FHOD3: variants seen among roughly 807,000 people sequenced by gnomAD.
FHOD3 encodes the protein FH1/FH2 domain-containing protein 3.
In FHOD3, 90 loss-of-function variants were observed where a neutral mutation model predicts 173.0. The ratio of observed to expected loss-of-function variants is 0.52; its 90% CI spans 0.44 to 0.62. The LOEUF (loss-of-function observed/expected upper bound fraction) is 0.62. FHOD3 is among the 20% of genes least tolerant of loss of function. FHOD3 has a pLI of 0.00. For synonymous variants in FHOD3, 828 were observed against 823.0 expected (o/e 1.01, Z -0.10); for missense variants, 1,945 against 2,034.7 (o/e 0.96, Z 0.85).
At chr18:36,550,892 A>T (rs570995082) in intron 5 of FHOD3, among the ~76,000 whole-genome samples, 1 of 152,214 alleles carries the variant, frequency 6.6e-6, no homozygotes, top group East Asian at 1.9e-4. Context: ...TTTCCTTTCC[A>T]ATCTCAACTG....
At chr18:36,350,824 C>T (rs192858595) in intron 1 of FHOD3, among the ~76,000 whole-genome samples, 9 of 152,246 alleles carry the variant, frequency 5.9e-5, no homozygotes, top group East Asian at 3.9e-4. Flanking sequence ...TTTAGTTCTT[C>T]GGAAAGTTTA....
chr18:36,598,889 T>C (rs1051100033), intron 7 of FHOD3, among the ~76,000 whole-genome samples: 1 of 152,236 alleles, frequency 6.6e-6, no homozygotes, highest in African/African-American at 2.4e-5. Context: ...ACCCAGGCTA[T>C]TGCACTTTTG....
chr18:36,671,159 C>A (rs764026863), intron 14 of FHOD3, among the ~76,000 whole-genome samples: 1 of 152,250 alleles, frequency 6.6e-6, no homozygotes, highest in African/African-American at 2.4e-5. Flanking sequence ...AGGTCTCTCT[C>A]TCTCTGTATA....
At chr18:36,670,430 T>G (rs1368658528) in intron 14 of FHOD3, among the ~76,000 whole-genome samples, 1 of 152,214 alleles carries the variant, frequency 6.6e-6, no homozygotes, top group African/African-American at 2.4e-5. Flanking sequence ...TTCATTTTGC[T>G]TCATTTTGAA....
intron 5 of FHOD3, among the ~76,000 whole-genome samples, chr18:36,572,807 G>C (rs1473691949): frequency 6.6e-6 from 1 of 152,126 alleles, no homozygotes; most frequent in Non-Finnish European, 1.5e-5. Context: ...GAAGGCTAAA[G>C]AGTCTACCTT....
intron 3 of FHOD3, among the ~76,000 whole-genome samples, chr18:36,487,589 T>C (rs1708691): frequency 0.77 from 117,682 of 152,126 alleles, 46,316 homozygotes; most frequent in East Asian, 0.95. Flanking sequence ...CTCAGAAATA[T>C]TTATTTAGCT....
chr18:36,553,401 C>T, intron 5 of FHOD3, among the ~76,000 whole-genome samples: 1 of 152,154 alleles, frequency 6.6e-6, no homozygotes, highest in Non-Finnish European at 1.5e-5. Flanking sequence ...ATGGTACCAG[C>T]TCTTCTTTGT....
chr18:36,619,585 A>T (rs993275681), intron 9 of FHOD3, among the ~76,000 whole-genome samples: 2 of 152,148 alleles, frequency 1.3e-5, no homozygotes, highest in Admixed American at 6.5e-5. Context: ...GAAGTATTGC[A>T]CTATCTTCCT....
In FHOD3 at chr18:36,625,630, CAGA is replaced by C. The variant is rs747110837; in HGVS notation, c.1080_1082del (p.Arg361del). On this transcript the variant is annotated inframe_deletion, in exon 10 of 29. Transcript: ENST00000590592. ...GAGGCGAGCACCGGGGCCTGGACCG[CAGA>C]AGGAGCCGCAGGCACTCGGTGCAGA... 2 of 1,606,318 alleles carry C rather than the reference CAGA, an allele frequency of 1.2e-6. No homozygotes were observed. Among genetic ancestry groups the C allele is most frequent in the East Asian group, 4.5e-5 (2 of 44,314 alleles).
At chr18:36,551,035 A>G (rs1284478322) in intron 5 of FHOD3, among the ~76,000 whole-genome samples, 1 of 152,194 alleles carries the variant, frequency 6.6e-6, no homozygotes, top group Admixed American at 6.5e-5. Context: ...ATTAAGTATG[A>G]TGTTATCTGC....
intron 19 of FHOD3, among the ~76,000 whole-genome samples, chr18:36,728,561 C>T (rs1302208123): frequency 1.3e-5 from 2 of 151,716 alleles, no homozygotes; most frequent in African/African-American, 2.4e-5. Flanking sequence ...GGATCCAAAA[C>T]AGCTGGGATG....
chr18:36,454,615 T>C (rs1016180878), intron 3 of FHOD3, among the ~76,000 whole-genome samples: 3 of 152,128 alleles, frequency 2.0e-5, no homozygotes, highest in Admixed American at 6.5e-5. Flanking sequence ...CAGCTAAATA[T>C]TTTTTTCTCA....
chr18:36,687,916 A>G (rs1227026755), intron 16 of FHOD3, among the ~76,000 whole-genome samples: 1 of 152,236 alleles, frequency 6.6e-6, no homozygotes, highest in Non-Finnish European at 1.5e-5. Flanking sequence ...GAATATTTGT[A>G]TACAATTTTG....
intron 3 of FHOD3, among the ~76,000 whole-genome samples, chr18:36,463,835 G>C (rs2144832564): frequency 6.6e-6 from 1 of 152,288 alleles, no homozygotes; most frequent in East Asian, 1.9e-4. Context: ...TGTTCTCAGT[G>C]CTTTCTTCGT....
intron 3 of FHOD3, among the ~76,000 whole-genome samples, chr18:36,428,124 A>G (rs764824424): frequency 6.6e-6 from 1 of 152,114 alleles, no homozygotes; most frequent in Non-Finnish European, 1.5e-5. Flanking sequence ...TGCCAGGAAC[A>G]TTGATAGCTG....
intron 5 of FHOD3, among the ~76,000 whole-genome samples, chr18:36,540,705 G>T (rs950643310): frequency 6.6e-6 from 1 of 152,148 alleles, no homozygotes; most frequent in African/African-American, 2.4e-5. Context: ...GTGATTGACT[G>T]GAAAGTGTGA....
chr18:36,626,477 A>C (rs2644254), intron 10 of FHOD3, among the ~76,000 whole-genome samples: 1 of 152,154 alleles, frequency 6.6e-6, no homozygotes, highest in Non-Finnish European at 1.5e-5. Context: ...GAGTGGTTCT[A>C]TAGTATAGAG....
intron 19 of FHOD3, among the ~76,000 whole-genome samples, chr18:36,719,761 G>A (rs1261618159): frequency 1.3e-5 from 2 of 152,196 alleles, no homozygotes; most frequent in Non-Finnish European, 2.9e-5. Flanking sequence ...AAAATTACAT[G>A]CAGGATCCTC....
At chr18:36,682,072 C>G (rs527628926) in intron 15 of FHOD3, among the ~76,000 whole-genome samples, 3 of 152,194 alleles carry the variant, frequency 2.0e-5, no homozygotes, top group Non-Finnish European at 4.4e-5. Context: ...CCATTTCCCC[C>G]GATCTCCTGG....
Sources: gnomAD v4.1 joint callset for allele counts (sites outside exome capture counted in the v4.1 genomes callset) on GRCh38, gnomAD v4.1.1 for gene constraint, MANE v1.5 for transcripts, NCBI Gene and HGNC (gene_info 2026-07-23, HGNC 2026-07-21) for gene names.